The following HUNK variants were observed in gnomAD, a reference collection of about 807,000 sequenced individuals.
HUNK encodes the protein hormonally up-regulated neu tumor-associated kinase.
In HUNK, 21 loss-of-function variants were observed where a neutral mutation model predicts 61.0. The observed-to-expected ratio is 0.34, with a 90% CI of 0.24 to 0.50. The LOEUF is 0.50. Among genes scored for constraint, HUNK ranks in the 20% least tolerant of loss-of-function variants. The pLI is 0.98. For synonymous variants in HUNK, 371 were observed against 386.1 expected (o/e 0.96, Z 0.46); for missense variants, 772 against 945.7 (o/e 0.82, Z 2.41).
intron 1 of HUNK, among the ~76,000 whole-genome samples, chr21:31,884,592 C>CAA (rs71320207): frequency 1.0e-4 from 15 of 147,000 alleles, no homozygotes; most frequent in Non-Finnish European, 1.5e-4. Flanking sequence ...AACTCTGTCT[C>CAA]AAAAAAAAAA....
At chr21:31,928,044 G>A (rs1352453676) in intron 2 of HUNK, among the ~76,000 whole-genome samples, 1 of 152,200 alleles carries the variant, frequency 6.6e-6, no homozygotes, top group Non-Finnish European at 1.5e-5. Context: ...GGTAGCCTGA[G>A]GTGTCATAAC....
intron 1 of HUNK, among the ~76,000 whole-genome samples, chr21:31,893,808 C>T (rs2052407655): frequency 6.6e-6 from 1 of 152,182 alleles, no homozygotes; most frequent in Non-Finnish European, 1.5e-5. Flanking sequence ...CTCAGGAAAA[C>T]ATGTTACTGC....
chr21:31,893,411 C>T (rs148409026), intron 1 of HUNK, among the ~76,000 whole-genome samples: 1 of 152,272 alleles, frequency 6.6e-6, no homozygotes, highest in African/African-American at 2.4e-5. Context: ...GGAGCTGCTT[C>T]TTTGTTTGCA....
chr21:31,942,609 T>TTA (rs1229712712), intron 3 of HUNK, among the ~76,000 whole-genome samples: 1 of 152,072 alleles, frequency 6.6e-6, no homozygotes, highest in Non-Finnish European at 1.5e-5. Context: ...TTGCTGCATG[T>TTA]TATGGTCACT....
intron 6 of HUNK, among the ~76,000 whole-genome samples, chr21:31,969,202 C>A (rs71323309): frequency 0.18 from 26,570 of 151,400 alleles, 3,134 homozygotes; most frequent in African/African-American, 0.32. Context: ...AGTGTGTTTG[C>A]GTGTGTGTGA....
intron 4 of HUNK, among the ~76,000 whole-genome samples, chr21:31,958,208 C>T (rs556918369): frequency 6.6e-6 from 1 of 152,128 alleles, no homozygotes; most frequent in African/African-American, 2.4e-5. Context: ...CAGGAGGTGG[C>T]TCCTGATGCT....
intron 4 of HUNK, among the ~76,000 whole-genome samples, chr21:31,947,475 C>T (rs1248541957): frequency 6.6e-6 from 1 of 152,264 alleles, no homozygotes; most frequent in African/African-American, 2.4e-5. Flanking sequence ...CTGTCCTCAC[C>T]CTTTTAATTT....
At chr21:31,898,787 G>A (rs757179183) in intron 1 of HUNK, among the ~76,000 whole-genome samples, 4 of 152,128 alleles carry the variant, frequency 2.6e-5, no homozygotes, top group Non-Finnish European at 5.9e-5. Flanking sequence ...GCTCTGCTTG[G>A]AATGAGTTTG....
chr21:31,928,641 G>A (rs2052677070), intron 2 of HUNK, among the ~76,000 whole-genome samples: 1 of 152,128 alleles, frequency 6.6e-6, no homozygotes, highest in East Asian at 1.9e-4. Context: ...TCATGTTAAT[G>A]TGTGTCACCG....
intron 8 of HUNK, among the ~76,000 whole-genome samples, chr21:31,987,640 C>A (rs924184208): frequency 1.3e-5 from 2 of 152,190 alleles, no homozygotes; most frequent in Non-Finnish European, 2.9e-5. Context: ...AATAGGAACC[C>A]TAATGGGCAA....
At chr21:31,942,522 A>C (rs1024871813) in intron 3 of HUNK, among the ~76,000 whole-genome samples, 3 of 152,190 alleles carry the variant, frequency 2.0e-5, no homozygotes, top group Admixed American at 6.5e-5. Flanking sequence ...TGGTTGAGTA[A>C]TAGAACCTCT....
chr21:31,884,811 CTT>C (rs1476612631), intron 1 of HUNK, among the ~76,000 whole-genome samples: 2 of 151,562 alleles, frequency 1.3e-5, no homozygotes, highest in Admixed American at 1.3e-4. Context: ...GAGTGTCACT[CTT>C]TGTCGGCCAG....
chr21:31,962,720 C>T (rs146894377), intron 5 of HUNK, among the ~76,000 whole-genome samples: 4 of 152,334 alleles, frequency 2.6e-5, no homozygotes, highest in Admixed American at 2.6e-4. Context: ...TGATGCTCTC[C>T]CCATCTCCTC....
intron 6 of HUNK, among the ~76,000 whole-genome samples, chr21:31,973,109 G>A (rs929169319): frequency 6.6e-5 from 10 of 151,836 alleles, no homozygotes; most frequent in Non-Finnish European, 1.0e-4. Flanking sequence ...CTTCTGCTCC[G>A]ATTGCCCTCT....
intron 2 of HUNK, among the ~76,000 whole-genome samples, chr21:31,934,026 C>T (rs74894056): frequency 0.041 from 6,254 of 152,180 alleles, 159 homozygotes; most frequent in Middle Eastern, 0.12. Context: ...TTAGCAGAGC[C>T]AAATGTTTTG....
chr21:31,881,886 T>G (rs2052310835), intron 1 of HUNK, among the ~76,000 whole-genome samples: 1 of 152,160 alleles, frequency 6.6e-6, no homozygotes, highest in African/African-American at 2.4e-5. Context: ...CTCACATTTC[T>G]CTTAGGTTAG....
chr21:31,923,337 G>A lies in HUNK; in HGVS notation c.262-1131G>A, dbSNP rs372437207. 5.9e-5 allele frequency among the ~76,000 whole-genome samples: 9 copies of A among 152,098 alleles called. No homozygotes were observed. The East Asian group carries it at 9.7e-4, about 16-fold the overall frequency. On this transcript the variant is annotated intron_variant, in intron 1 of 10. Coordinates refer to ENST00000270112, the MANE Select transcript of HUNK (RefSeq NM_014586.2). ...GTGCTTATAGTCCCAGCTCCTGGGA[G>A]GCTGAGGTGGGAGGATCACTTAAGC...
chr21:31,921,093 A>C (rs1022469698), intron 1 of HUNK, among the ~76,000 whole-genome samples: 1 of 136,198 alleles, frequency 7.3e-6, no homozygotes, highest in African/African-American at 2.8e-5. Context: ...CAGAGGTTGC[A>C]GGGAGCCGCC....
intron 1 of HUNK, among the ~76,000 whole-genome samples, chr21:31,919,190 G>A (rs964999355): frequency 2.7e-4 from 41 of 151,024 alleles, no homozygotes; most frequent in Middle Eastern, 3.2e-3. Context: ...TGAGGGGCTG[G>A]ACTGAGCGGT....
Sources: gnomAD v4.1 joint callset for allele counts (sites outside exome capture counted in the v4.1 genomes callset) on GRCh38, gnomAD v4.1.1 for gene constraint, MANE v1.5 for transcripts, NCBI Gene and HGNC (gene_info 2026-07-23, HGNC 2026-07-21) for gene names.